KLHL29: variants seen among roughly 807,000 people sequenced by gnomAD.
The protein encoded by KLHL29 is kelch-like protein 29.
Under a neutral mutation model 80.4 loss-of-function variants are expected in KLHL29, and 21 were observed. That is an observed-to-expected ratio of 0.26 (90% confidence interval 0.19 to 0.38). KLHL29 has a LOEUF of 0.38. Ranked by LOEUF, KLHL29 falls within the 10% of genes least tolerant of loss-of-function variation. The pLI, the probability that KLHL29 is intolerant of heterozygous loss-of-function variation, is 1.00. For synonymous variants in KLHL29, 511 were observed against 526.8 expected (o/e 0.97, Z 0.41); for missense variants, 867 against 1,223.9 (o/e 0.71, Z 4.35).
chr2:23,552,370 A>G (rs1667152781), intron 2 of KLHL29, among the ~76,000 whole-genome samples: 1 of 152,202 alleles, frequency 6.6e-6, no homozygotes, highest in African/African-American at 2.4e-5. Flanking sequence ...TACACATTAA[A>G]TATCTGCAGC....
At chr2:23,464,081 C>G (rs1194279598) in intron 1 of KLHL29, among the ~76,000 whole-genome samples, 2 of 152,180 alleles carry the variant, frequency 1.3e-5, no homozygotes, top group African/African-American at 4.8e-5. Flanking sequence ...GCCTATGCTT[C>G]CATCAGGGAA....
chr2:23,498,015 T>C (rs1665320136), intron 2 of KLHL29, among the ~76,000 whole-genome samples: 1 of 152,186 alleles, frequency 6.6e-6, no homozygotes. Context: ...TTGATAAACT[T>C]ATAGATAGTG....
Position 23,693,581 on chromosome 2 carries a change from C to T in KLHL29, c.1542+53C>T, listed in dbSNP as rs1028031857. 52 of 1,511,908 alleles carry T rather than the reference C, an allele frequency of 3.4e-5. No individual in the cohort carries two copies. In the African/African-American group the frequency reaches 5.7e-4, roughly 16 times the overall value. 93.7% of individuals were successfully genotyped at this position (1,511,908 alleles called of 1,614,324 possible). A position where few individuals can be genotyped will look rare whatever the true frequency, so the allele number is the denominator to read the frequency against. On this transcript the variant is annotated intron_variant, in intron 8 of 13. Transcript: ENST00000486442. ...TCTCTCTGGGTTTGGGGTCCCCCTG[C>T]GGCAATGGGGTCTGCAGCAAGGAGG...
intron 3 of KLHL29, among the ~76,000 whole-genome samples, chr2:23,571,863 G>A (rs199785563): frequency 1.3e-5 from 2 of 151,876 alleles, no homozygotes; most frequent in Non-Finnish European, 2.9e-5. Context: ...GTGTGAAAAA[G>A]AAATAAAAAA....
intron 2 of KLHL29, among the ~76,000 whole-genome samples, chr2:23,516,495 C>G (rs1163670741): frequency 2.0e-5 from 3 of 152,142 alleles, no homozygotes; most frequent in African/African-American, 7.2e-5. Flanking sequence ...CCCCTGCACA[C>G]AGCAGACCCT....
In KLHL29 at chr2:23,385,223, C is replaced by T. The variant is rs1172859410; in HGVS notation, c.-711C>T. The T allele has an allele frequency of 6.7e-6, 1 of 149,042 alleles. No homozygotes were observed. The highest frequency in any genetic ancestry group is 6.7e-5 in the Admixed American group (1 of 14,884). The allele number at this position is 149,042 out of a possible 1,614,324, so 9.2% of individuals were successfully genotyped here. On this transcript the variant is annotated 5_prime_UTR_variant, in exon 1 of 14. Transcript: ENST00000486442. Reference sequence around the variant, plus strand: ...GCGAGCCAGAAGGGAGCATGGTCCCCGCGCCGCGGCCGCGCCAGCCCCCGC... The same window carrying T: ...GCGAGCCAGAAGGGAGCATGGTCCCTGCGCCGCGGCCGCGCCAGCCCCCGC...
intron 2 of KLHL29, among the ~76,000 whole-genome samples, chr2:23,501,346 A>G (rs928326301): frequency 4.6e-5 from 7 of 152,034 alleles, no homozygotes; most frequent in Non-Finnish European, 1.0e-4. Context: ...GATGCCCTGT[A>G]GTGTCAGCTG....
At chr2:23,600,877 T>C (rs1449990205) in intron 3 of KLHL29, among the ~76,000 whole-genome samples, 1 of 152,196 alleles carries the variant, frequency 6.6e-6, no homozygotes, top group East Asian at 1.9e-4. Flanking sequence ...TTTACTTAGG[T>C]GAGAATAATA....
rs60558023 is a variant in KLHL29 at position 23,552,761 on chromosome 2, CT to C, written c.-45-9374del. ...CACGGCTATAGCTCTGGTTTCTTTT[CT>C]TTTTTTTTTTTTTTTTGAGATGGCG... On this transcript the variant is annotated intron_variant, in intron 2 of 13. Transcript: ENST00000486442. Among the ~76,000 whole-genome samples, 81 of 95,532 alleles carry C rather than the reference CT, an allele frequency of 8.5e-4. 1 individual carries two copies. Among genetic ancestry groups the C allele is most frequent in the Admixed American group, 2.2e-3 (16 of 7,424 alleles). 62.7% of individuals were successfully genotyped at this position (95,532 alleles called of 152,430 possible).
intron 2 of KLHL29, among the ~76,000 whole-genome samples, chr2:23,477,470 C>A (rs1362811371): frequency 6.6e-6 from 1 of 152,248 alleles, no homozygotes; most frequent in African/African-American, 2.4e-5. Context: ...CTGGGCTGGG[C>A]CAGGATCAGC....
chr2:23,404,947 T>C (rs1666689409), intron 1 of KLHL29, among the ~76,000 whole-genome samples: 1 of 152,260 alleles, frequency 6.6e-6, no homozygotes, highest in Non-Finnish European at 1.5e-5. Flanking sequence ...CTTTCCTTTA[T>C]GTATGTTACA....
At chr2:23,509,615 C>T (rs1179378904) in intron 2 of KLHL29, among the ~76,000 whole-genome samples, 2 of 152,172 alleles carry the variant, frequency 1.3e-5, no homozygotes, top group East Asian at 3.8e-4. Context: ...TGGCATCCTT[C>T]CTTCAGTTGT....
At chr2:23,573,781 G>A (rs927333932) in intron 3 of KLHL29, among the ~76,000 whole-genome samples, 2 of 152,170 alleles carry the variant, frequency 1.3e-5, no homozygotes, top group African/African-American at 4.8e-5. Flanking sequence ...ATAGCACTCC[G>A]GTGCATGATG....
In KLHL29 at chr2:23,652,345, C is replaced by T. The variant is rs550516878; in HGVS notation, c.940+9495C>T. ...CCACTGGGAACTAAGCAGGAACCAC[C>T]GATCGCTAGACAGTTTGTCCTGTTA... is the stretch of plus-strand genomic sequence containing the variant. On this transcript the variant is annotated intron_variant, in intron 5 of 13. Transcript: ENST00000486442. 6.6e-5 allele frequency among the ~76,000 whole-genome samples: 10 copies of T among 152,332 alleles called. No homozygotes were observed. In the South Asian group the frequency reaches 1.0e-3, roughly 16 times the overall value.
chr2:23,553,012 G>A (rs970323012), intron 2 of KLHL29, among the ~76,000 whole-genome samples: 2 of 151,936 alleles, frequency 1.3e-5, no homozygotes, highest in African/African-American at 2.4e-5. Flanking sequence ...CACCCACCTC[G>A]GCCTCCCAAA....
intron 3 of KLHL29, among the ~76,000 whole-genome samples, chr2:23,633,756 CGTGTGTGTGTGTGTGTG>C (rs1669532618): frequency 6.8e-6 from 1 of 147,128 alleles, no homozygotes; most frequent in South Asian, 2.2e-4. Context: ...TCACAGCACT[CGTGTGTGTGTGTGTGTG>C]TGTGTGTGTG....
chr2:23,626,965 C>T (rs1669324720), intron 3 of KLHL29, among the ~76,000 whole-genome samples: 1 of 152,214 alleles, frequency 6.6e-6, no homozygotes, highest in Non-Finnish European at 1.5e-5. Context: ...CGTGGCTACC[C>T]AGCCTCTTGC....
chr2:23,674,219 T>C (rs1670861992), intron 5 of KLHL29, among the ~76,000 whole-genome samples: 1 of 152,072 alleles, frequency 6.6e-6, no homozygotes, highest in African/African-American at 2.4e-5. Context: ...CGTGCCGATT[T>C]CCATGTGACC....
At chr2:23,646,107 G>A (rs999975970) in intron 5 of KLHL29, among the ~76,000 whole-genome samples, 3 of 152,134 alleles carry the variant, frequency 2.0e-5, no homozygotes, top group African/African-American at 7.2e-5. Context: ...TGTGCAAAGT[G>A]ATAAGGGAGG....
Sources: gnomAD v4.1 joint callset for allele counts (sites outside exome capture counted in the v4.1 genomes callset) on GRCh38, gnomAD v4.1.1 for gene constraint, MANE v1.5 for transcripts, NCBI Gene and HGNC (gene_info 2026-07-23, HGNC 2026-07-21) for gene names.